The following LHFPL6 variants were observed in gnomAD, a reference collection of about 807,000 sequenced individuals.
LHFPL6 encodes the protein LHFPL tetraspan subfamily member 6 protein.
Under a neutral mutation model 20.6 loss-of-function variants are expected in LHFPL6, and 9 were observed. The observed-to-expected ratio is 0.44, with a 90% CI of 0.26 to 0.76. The LOEUF is 0.76. LHFPL6 is among the 30% of genes least tolerant of loss of function. The pLI is 0.20. For missense variants in LHFPL6, 218 were observed against 253.5 expected (o/e 0.86, Z 0.95); for synonymous variants, 105 against 98.7 (o/e 1.06, Z -0.38).
intron 2 of LHFPL6, among the ~76,000 whole-genome samples, chr13:39,591,957 A>G (rs961638223): frequency 6.6e-6 from 1 of 152,084 alleles, no homozygotes; most frequent in South Asian, 2.1e-4. Context: ...TTAGCCAGGC[A>G]TGATGGCAGG....
intron 2 of LHFPL6, among the ~76,000 whole-genome samples, chr13:39,575,878 T>A (rs1872098445): frequency 6.6e-6 from 1 of 152,210 alleles, no homozygotes; most frequent in Non-Finnish European, 1.5e-5. Flanking sequence ...AAGGATTATC[T>A]GTGCTGACAC....
chr13:39,583,037 C>T (rs896369892), intron 2 of LHFPL6, among the ~76,000 whole-genome samples: 17 of 151,970 alleles, frequency 1.1e-4, no homozygotes, highest in Non-Finnish European at 1.9e-4. Flanking sequence ...GGAAATAGTG[C>T]GGTGATTAAA....
chr13:39,344,147 C>T (rs985522465), intron 3 of LHFPL6, 93 bp from the exon 4 acceptor site: 20 of 934,578 alleles, frequency 2.1e-5, no homozygotes, highest in Admixed American at 7.9e-5. Flanking sequence ...GGTTCTGAAA[C>T]ACCCTTTAGG....
At position 39,576,468 on chromosome 13, in the gene LHFPL6, T is replaced by G. The variant is rs143119893; in HGVS notation, c.385+24364A>C. On this transcript the variant is annotated intron_variant, in intron 2 of 3. Coordinates refer to ENST00000379589, the MANE Select transcript of LHFPL6 (RefSeq NM_005780.3). ...AAGCAAAGAAGCAAAGCTTTCATAC[T>G]ATTAACTGGAAAACAAAGAATAAAG... Among the ~76,000 whole-genome samples the G allele has an allele frequency of 3.5e-3, 540 of 152,308 alleles. 5 individuals carry two copies. Among genetic ancestry groups the G allele is most frequent in the African/African-American group, 0.012 (503 of 41,562 alleles).
intron 2 of LHFPL6, among the ~76,000 whole-genome samples, chr13:39,402,653 T>C (rs886329823): frequency 1.3e-5 from 2 of 152,080 alleles, no homozygotes; most frequent in African/African-American, 4.8e-5. Context: ...ATCTGTAACA[T>C]AAAAGAGCAC....
chr13:39,557,884 T>C (rs1448150225), intron 2 of LHFPL6, among the ~76,000 whole-genome samples: 1 of 152,178 alleles, frequency 6.6e-6, no homozygotes. Flanking sequence ...TTATGCAAGA[T>C]GTGGTTGTTT....
intron 3 of LHFPL6, among the ~76,000 whole-genome samples, chr13:39,350,201 T>C (rs986040437): frequency 5.3e-5 from 8 of 152,174 alleles, no homozygotes; most frequent in African/African-American, 1.9e-4. Context: ...ATATTACACA[T>C]GTTTTGTAGA....
chr13:39,383,212 T>C (rs1262235858), intron 2 of LHFPL6, among the ~76,000 whole-genome samples: 1 of 152,174 alleles, frequency 6.6e-6, no homozygotes, highest in Non-Finnish European at 1.5e-5. Flanking sequence ...ATAGTCATTG[T>C]AACAAGGACC....
intron 2 of LHFPL6, among the ~76,000 whole-genome samples, chr13:39,433,077 C>A (rs917256817): frequency 1.3e-5 from 2 of 152,174 alleles, no homozygotes; most frequent in Non-Finnish European, 2.9e-5. Flanking sequence ...CTAAAATCAA[C>A]AGATTGGAGC....
At chr13:39,590,832 T>G (rs1197229511) in intron 2 of LHFPL6, among the ~76,000 whole-genome samples, 1 of 152,210 alleles carries the variant, frequency 6.6e-6, no homozygotes, top group Non-Finnish European at 1.5e-5. Flanking sequence ...TAACAATTTG[T>G]TTTCACAAGA....
At chr13:39,558,670 C>A (rs986588560) in intron 2 of LHFPL6, among the ~76,000 whole-genome samples, 3 of 152,056 alleles carry the variant, frequency 2.0e-5, no homozygotes, top group African/African-American at 7.2e-5. Context: ...TGTATGCTGG[C>A]GTATAAAATA....
intron 2 of LHFPL6, among the ~76,000 whole-genome samples, chr13:39,428,470 C>T (rs923757152): frequency 3.3e-5 from 5 of 152,072 alleles, no homozygotes; most frequent in African/African-American, 1.2e-4. Flanking sequence ...TCTAAGTTGT[C>T]AAATGTATTG....
At chr13:39,493,369 C>A (rs1172526420) in intron 2 of LHFPL6, among the ~76,000 whole-genome samples, 3 of 150,442 alleles carry the variant, frequency 2.0e-5, no homozygotes, top group African/African-American at 7.3e-5. Flanking sequence ...CCTCAATGGG[C>A]ACCAAAGCAT....
Position 39,470,875 on chromosome 13 carries a change from C to T in LHFPL6, c.386-92349G>A, listed in dbSNP as rs550592054. On this transcript the variant is annotated intron_variant, in intron 2 of 3. Coordinates refer to ENST00000379589, the MANE Select transcript of LHFPL6 (RefSeq NM_005780.3). Reference sequence around the variant, plus strand: ...GAATACTAAACATTTCCATTAGCGGCCCATCATCACCGTGGTTACCTCCTT... The same window carrying T: ...GAATACTAAACATTTCCATTAGCGGTCCATCATCACCGTGGTTACCTCCTT... 4.0e-4 allele frequency among the ~76,000 whole-genome samples: 61 copies of T among 152,282 alleles called. 1 individual carries two copies. In the South Asian group the frequency reaches 0.011, roughly 28 times the overall value.
chr13:39,416,595 G>A (rs1046750287), intron 2 of LHFPL6, among the ~76,000 whole-genome samples: 3 of 152,152 alleles, frequency 2.0e-5, no homozygotes, highest in Non-Finnish European at 4.4e-5. Flanking sequence ...TCTGCAGCTG[G>A]AGAACAGTGG....
At chr13:39,444,924 A>G (rs1175932525) in intron 2 of LHFPL6, among the ~76,000 whole-genome samples, 1 of 152,200 alleles carries the variant, frequency 6.6e-6, no homozygotes, top group East Asian at 1.9e-4. Flanking sequence ...CTGCAGGCAC[A>G]AGACTTTAAC....
intron 2 of LHFPL6, among the ~76,000 whole-genome samples, chr13:39,480,863 T>TAC (rs1255192474): frequency 1.3e-5 from 2 of 152,208 alleles, no homozygotes; most frequent in Non-Finnish European, 2.9e-5. Context: ...TGGTACATAC[T>TAC]ACATCAGTAT....
intron 2 of LHFPL6, among the ~76,000 whole-genome samples, chr13:39,570,473 G>A (rs1200976391): frequency 6.6e-6 from 1 of 151,464 alleles, no homozygotes; most frequent in African/African-American, 2.4e-5. Context: ...TATCCAGAAG[G>A]ATTCATTAAA....
chr13:39,482,557 T>C (rs1240145427), intron 2 of LHFPL6, among the ~76,000 whole-genome samples: 1 of 152,136 alleles, frequency 6.6e-6, no homozygotes, highest in African/African-American at 2.4e-5. Context: ...TCATAGAAGA[T>C]GAACAGAAAG....
Sources: allele counts gnomAD v4.1 joint callset (sites outside exome capture counted in the v4.1 genomes callset), GRCh38; gene constraint gnomAD v4.1.1; transcripts MANE v1.5; gene names NCBI Gene and HGNC (gene_info 2026-07-23, HGNC 2026-07-21).